GABRB2: variants seen among roughly 807,000 people sequenced by gnomAD.
The protein encoded by GABRB2 is gamma-aminobutyric acid receptor subunit beta-2.
A neutral mutation model predicts 54.7 loss-of-function variants in GABRB2; 16 were observed. The ratio of observed to expected loss-of-function variants is 0.29; its 90% CI spans 0.20 to 0.44. GABRB2 has a LOEUF of 0.44. Among genes scored for constraint, GABRB2 ranks in the 20% least tolerant of loss-of-function variants. The probability of loss-of-function intolerance (pLI) is 1.00; values close to 1 mark genes in which losing one functional copy is unlikely to be tolerated. For synonymous variants in GABRB2, 244 were observed against 233.8 expected, an observed-to-expected ratio of 1.04 and a Z score of -0.40; for missense variants, 355 against 644.0, an observed-to-expected ratio of 0.55 and a Z score of 4.86.
chr5:161,333,810 A>G lies in GABRB2; in HGVS notation c.832+942T>C, dbSNP rs542994327. On this transcript the variant is annotated intron_variant, in intron 7 of 9. Transcript: ENST00000393959. Reference sequence around the variant, plus strand: ...TCTCAATCTTCAAGTCTTAGTTCCAATGACAACTTCTGAGTGAAGTCGGCC... The same window carrying G: ...TCTCAATCTTCAAGTCTTAGTTCCAGTGACAACTTCTGAGTGAAGTCGGCC... Among the ~76,000 whole-genome samples, 24 of 152,322 alleles carry G rather than the reference A, an allele frequency of 1.6e-4. No homozygotes were observed. The South Asian group carries it at 2.7e-3, about 17-fold the overall frequency.
intron 3 of GABRB2, among the ~76,000 whole-genome samples, chr5:161,508,084 T>C (rs2113396394): frequency 6.6e-6 from 1 of 151,946 alleles, no homozygotes; most frequent in East Asian, 1.9e-4. Flanking sequence ...ATAAATACTG[T>C]TTTAAGTACT....
intron 3 of GABRB2, among the ~76,000 whole-genome samples, chr5:161,489,286 C>T (rs991145128): frequency 4.6e-5 from 7 of 151,472 alleles, no homozygotes; most frequent in African/African-American, 1.7e-4. Flanking sequence ...ACAGCTTTTT[C>T]TTAGTAGCCC....
At chr5:161,468,074 A>G (rs748984079) in intron 3 of GABRB2, among the ~76,000 whole-genome samples, 63 of 152,072 alleles carry the variant, frequency 4.1e-4, no homozygotes, top group Non-Finnish European at 7.4e-5. Context: ...ATCTGTCTCC[A>G]ATACAAACAA....
At chr5:161,457,315 T>A (rs1247314519) in intron 4 of GABRB2, among the ~76,000 whole-genome samples, 1 of 152,202 alleles carries the variant, frequency 6.6e-6, no homozygotes, top group Non-Finnish European at 1.5e-5. Flanking sequence ...GAATTAAAGG[T>A]ACAGCAATAG....
At chr5:161,314,053 C>T (rs765246997) in intron 9 of GABRB2, among the ~76,000 whole-genome samples, 9 of 152,220 alleles carry the variant, frequency 5.9e-5, no homozygotes, top group Non-Finnish European at 1.0e-4. Context: ...AAGGCTCTCA[C>T]GGGAATGCAG....
chr5:161,308,011 A>G (rs987627114), intron 9 of GABRB2, among the ~76,000 whole-genome samples: 19 of 151,246 alleles, frequency 1.3e-4, no homozygotes, highest in Admixed American at 7.2e-4. Flanking sequence ...GGCGCCCACC[A>G]CCACACCCGG....
chr5:161,383,296 C>G (rs948766221), intron 5 of GABRB2, among the ~76,000 whole-genome samples: 1 of 152,054 alleles, frequency 6.6e-6, no homozygotes, highest in Non-Finnish European at 1.5e-5. Flanking sequence ...AATCACCATT[C>G]TACTCTCTGT....
intron 9 of GABRB2, 76 bp from the exon 10 acceptor site, chr5:161,294,504 T>C (rs10042231): frequency 7.8e-7 from 1 of 1,286,286 alleles, no homozygotes; most frequent in East Asian, 2.3e-5. Context: ...GGCACTATGA[T>C]CGGCACTTAA....
At chr5:161,313,865 A>T (rs1757947727) in intron 9 of GABRB2, among the ~76,000 whole-genome samples, 1 of 152,152 alleles carries the variant, frequency 6.6e-6, no homozygotes, top group Non-Finnish European at 1.5e-5. Context: ...TCTATAATCG[A>T]GTAGGTTTGA....
intron 4 of GABRB2, 75 bp downstream of exon 4, chr5:161,459,549 C>T: frequency 8.2e-7 from 1 of 1,215,212 alleles, no homozygotes; most frequent in Non-Finnish European, 1.2e-6. Context: ...GAAAATAGCA[C>T]AATATTTCCA....
rs367954818 is a variant in GABRB2 at position 161,490,440 on chromosome 5, C to T, written c.238-30596G>A. 1.6e-3 allele frequency among the ~76,000 whole-genome samples: 241 copies of T among 151,708 alleles called. 3 individuals carry two copies. The highest frequency in any genetic ancestry group is 5.6e-3 in the African/African-American group (232 of 41,456). ...GTGAACTCAAGTCACATAGGCACCT[C>T]CTAAAGCCTTTTCATCAATTATAAA... On this transcript the variant is annotated intron_variant, in intron 3 of 9. Coordinates refer to ENST00000393959, the MANE Select transcript of GABRB2 (RefSeq NM_001371727.1).
At chr5:161,530,053 T>G (rs1194995373) in intron 3 of GABRB2, among the ~76,000 whole-genome samples, 1 of 152,076 alleles carries the variant, frequency 6.6e-6, no homozygotes, top group Admixed American at 6.6e-5. Flanking sequence ...TCTGGATCCC[T>G]CTGTCTCTGT....
At position 161,294,418 on chromosome 5, in the gene GABRB2, T is replaced by C. The variant is rs1435021718; in HGVS notation, c.1202A>G (p.His401Arg). ...GAGAGTGCTCAGTAAGATGTTCTCA[T>C]GGGGGTCCATCTGCAAGGGAAGAGA... Reference protein sequence around the residue: ...YDFSLYTMDPHENILLSTLEI... With the variant: ...YDFSLYTMDPRENILLSTLEI... Residue 401 changes from histidine (H) to arginine (R), a missense_variant, in exon 10 of 10, where the codon CAT becomes CGT. Coordinates refer to ENST00000393959, the MANE Select transcript of GABRB2 (RefSeq NM_001371727.1). 1.9e-6 allele frequency: 3 copies of C among 1,611,328 alleles called. No homozygotes were observed. The African/African-American group carries it at 4.0e-5, about 22-fold the overall frequency.
chr5:161,410,866 A>G lies in GABRB2; in HGVS notation c.541+109T>C, dbSNP rs1756491958. 5.3e-6 allele frequency: 4 copies of G among 749,108 alleles called. No homozygotes were observed. The South Asian group carries it at 7.7e-5, about 14-fold the overall frequency. 46.4% of individuals were successfully genotyped at this position (749,108 alleles called of 1,614,324 possible). A position where few individuals can be genotyped will look rare whatever the true frequency, so the allele number is the denominator to read the frequency against. ...TCCCTCAACCAAATTTAGTTGGGCT[A>G]GCAGAACCTTTGCAGGGCCTGTGGT... On this transcript the variant is annotated intron_variant, in intron 5 of 9. Coordinates refer to ENST00000393959, the MANE Select transcript of GABRB2 (RefSeq NM_001371727.1).
rs1757790571 is a variant in GABRB2, at chr5:161,451,636, A to T, written c.458+7988T>A. 2.6e-5 allele frequency among the ~76,000 whole-genome samples: 4 copies of T among 152,288 alleles called. No individual in the cohort carries two copies. The Middle Eastern group carries it at 0.01, about 388-fold the overall frequency. On this transcript the variant is annotated intron_variant, in intron 4 of 9. Transcript: ENST00000393959. The stretch of plus-strand genomic sequence containing the variant: ...ATAGTCCATCTTATATAAAAACCAT[A>T]AGCCATATCCTATATTAGATCAAGA...
intron 3 of GABRB2, among the ~76,000 whole-genome samples, chr5:161,542,799 A>C (rs1760861015): frequency 6.6e-6 from 1 of 152,206 alleles, no homozygotes; most frequent in African/African-American, 2.4e-5. Context: ...TTAAGTAACC[A>C]ATCAACCATT....
chr5:161,459,897 G>A (rs1398963607), intron 3 of GABRB2, 53 bp from the exon 4 acceptor site: 6 of 1,034,460 alleles, frequency 5.8e-6, no homozygotes, highest in Non-Finnish European at 8.9e-6. Context: ...ACAGATCTGG[G>A]GGATAAGCAA....
chr5:161,360,594 A>G (rs1754780955), intron 5 of GABRB2, among the ~76,000 whole-genome samples: 1 of 152,172 alleles, frequency 6.6e-6, no homozygotes, highest in Non-Finnish European at 1.5e-5. Context: ...GGGTAATAAA[A>G]TCTTTGAAAT....
At chr5:161,374,790 T>C (rs1011380622) in intron 5 of GABRB2, among the ~76,000 whole-genome samples, 2 of 152,186 alleles carry the variant, frequency 1.3e-5, no homozygotes, top group Admixed American at 6.5e-5. Flanking sequence ...TGGGTACACA[T>C]AACTATACAC....
Sources: allele counts gnomAD v4.1 joint callset (sites outside exome capture counted in the v4.1 genomes callset), GRCh38; gene constraint gnomAD v4.1.1; transcripts MANE v1.5; gene names NCBI Gene and HGNC (gene_info 2026-07-23, HGNC 2026-07-21).